The following PDE4D variants were observed in gnomAD, a reference collection of about 807,000 sequenced individuals.
PDE4D encodes the protein phosphodiesterase 4D.
In PDE4D, 24 loss-of-function variants were observed where a neutral mutation model predicts 87.4. That is an observed-to-expected ratio of 0.27 (90% CI 0.20 to 0.39). PDE4D has a LOEUF of 0.39. PDE4D is among the 10% of genes least tolerant of loss of function. The pLI, the probability that PDE4D is intolerant of heterozygous loss-of-function variation, is 1.00. For missense variants in PDE4D, 714 were observed against 1,041.0 expected (o/e 0.69, Z 4.32); for synonymous variants, 384 against 383.2 (o/e 1.00, Z -0.02).
chr5:60,187,760 G>T (rs1784895176), intron 1 of PDE4D, among the ~76,000 whole-genome samples: 1 of 152,142 alleles, frequency 6.6e-6, no homozygotes, highest in African/African-American at 2.4e-5. Context: ...ACCCTGTATA[G>T]CTAGGAGGCA....
intron 2 of PDE4D, among the ~76,000 whole-genome samples, chr5:60,096,688 C>G (rs1382528229): frequency 6.6e-6 from 1 of 152,014 alleles, no homozygotes; most frequent in Admixed American, 6.6e-5. Context: ...TCACTGAATG[C>G]TAATGTATAG....
At chr5:59,977,189 C>T (rs1414623825) in intron 3 of PDE4D, among the ~76,000 whole-genome samples, 1 of 152,186 alleles carries the variant, frequency 6.6e-6, no homozygotes, top group Non-Finnish European at 1.5e-5. Context: ...AAAGCCAGGC[C>T]TTTTGTACCA....
Position 60,077,217 on chromosome 5 carries a change from A to C in PDE4D, c.43-88500T>G, listed in dbSNP as rs7709374. Among the ~76,000 whole-genome samples the C allele has an allele frequency of 8.6e-3, 1,305 of 152,304 alleles. 14 individuals are homozygous for C. The highest frequency in any genetic ancestry group is 0.029 in the African/African-American group (1,207 of 41,566). ...AATGGTGGTTTAGTGGGGTGTTGGCAACAAGGTGCACTCATGCAGGCAGCA... is the reference window on the plus strand; with the variant it reads ...AATGGTGGTTTAGTGGGGTGTTGGCCACAAGGTGCACTCATGCAGGCAGCA... On this transcript the variant is annotated intron_variant, in intron 2 of 16. Coordinates refer to the PDE4D transcript ENST00000502484.
intron 1 of PDE4D, among the ~76,000 whole-genome samples, chr5:59,326,170 T>G (rs1775617063): frequency 6.6e-6 from 1 of 152,040 alleles, no homozygotes; most frequent in African/African-American, 2.4e-5. Context: ...TAATGCTAGA[T>G]GACGAGTTAA....
chr5:59,726,990 C>A (rs1006002288), intron 1 of PDE4D, among the ~76,000 whole-genome samples: 6 of 151,962 alleles, frequency 3.9e-5, no homozygotes, highest in Admixed American at 1.3e-4. Context: ...GAGATACATT[C>A]TTATCTTAAT....
At chr5:59,283,370 T>C (rs1336585138) in intron 1 of PDE4D, among the ~76,000 whole-genome samples, 1 of 152,174 alleles carries the variant, frequency 6.6e-6, no homozygotes, top group African/African-American at 2.4e-5. Flanking sequence ...TGACTTCTAT[T>C]TTACACATCT....
At chr5:59,933,757 T>C (rs568256864) in intron 3 of PDE4D, among the ~76,000 whole-genome samples, 9 of 123,520 alleles carry the variant, frequency 7.3e-5, no homozygotes, top group Admixed American at 6.6e-4. Context: ...GTTTTCTAGA[T>C]AGATGTAAAA....
At chr5:60,330,819 A>G (rs1375384434) in intron 1 of PDE4D, among the ~76,000 whole-genome samples, 1 of 152,156 alleles carries the variant, frequency 6.6e-6, no homozygotes, top group African/African-American at 2.4e-5. Flanking sequence ...ATTTGCAGCA[A>G]TTTACTAAAC....
At chr5:59,040,361 A>C (rs1759469476) in intron 5 of PDE4D, among the ~76,000 whole-genome samples, 1 of 152,232 alleles carries the variant, frequency 6.6e-6, no homozygotes, top group Non-Finnish European at 1.5e-5. Flanking sequence ...GTTCTCTTAA[A>C]GGAACAGCAA....
intron 1 of PDE4D, among the ~76,000 whole-genome samples, chr5:59,363,402 A>G (rs1273507426): frequency 1.3e-5 from 2 of 152,228 alleles, no homozygotes; most frequent in Non-Finnish European, 2.9e-5. Context: ...GCCAATGAGT[A>G]GCAGATCTGA....
chr5:59,427,290 TATAC>T (rs1464099304), intron 1 of PDE4D, among the ~76,000 whole-genome samples: 4 of 87,066 alleles, frequency 4.6e-5, no homozygotes, highest in African/African-American at 2.0e-4. Context: ...GAAGTGATTT[TATAC>T]ACACACACAC....
intron 1 of PDE4D, among the ~76,000 whole-genome samples, chr5:59,460,805 G>T (rs992114445): frequency 1.3e-5 from 2 of 152,084 alleles, no homozygotes; most frequent in African/African-American, 2.4e-5. Flanking sequence ...TACCCCAACT[G>T]GGCAGATTCC....
chr5:60,333,422 C>G (rs1249956658), intron 1 of PDE4D, among the ~76,000 whole-genome samples: 2 of 152,110 alleles, frequency 1.3e-5, no homozygotes, highest in East Asian at 3.9e-4. Flanking sequence ...TGCCTCAGTT[C>G]AAAACTGACA....
At chr5:60,416,591 A>C (rs1396530565) in intron 1 of PDE4D, among the ~76,000 whole-genome samples, 1 of 152,212 alleles carries the variant, frequency 6.6e-6, no homozygotes. Context: ...CACCAGAAGG[A>C]GGAAACTCCG....
chr5:59,220,377 C>CAAAAA lies in PDE4D; in HGVS notation c.456-4414_456-4410dup, dbSNP rs57610513. On this transcript the variant is annotated intron_variant, in intron 1 of 14. Transcript: ENST00000340635. ...TAGGCGACAGAGCATGACTCTGTCT[C>CAAAAA]AAAAAAAAAAAAAAAAAAAAAAAAA... is the stretch of plus-strand genomic sequence containing the variant. Among the ~76,000 whole-genome samples the CAAAAA allele has an allele frequency of 7.6e-3, 275 of 35,988 alleles. 24 individuals carry two copies. In the East Asian group the frequency reaches 0.14, roughly 18 times the overall value. 23.6% of individuals were successfully genotyped at this position (35,988 alleles called of 152,430 possible).
intron 2 of PDE4D, among the ~76,000 whole-genome samples, chr5:60,100,284 A>G (rs1435015758): frequency 6.6e-6 from 1 of 152,028 alleles, no homozygotes; most frequent in African/African-American, 2.4e-5. Flanking sequence ...TAATAAATAT[A>G]ATTTCTCATA....
At chr5:59,479,981 A>AT (rs34768031) in intron 1 of PDE4D, among the ~76,000 whole-genome samples, 3,783 of 150,918 alleles carry the variant, frequency 0.025, 168 homozygotes, top group African/African-American at 0.086. Context: ...TATGCCAAGC[A>AT]TTTTTTTTTG....
intron 2 of PDE4D, among the ~76,000 whole-genome samples, chr5:60,141,863 T>G (rs573734752): frequency 1.2e-3 from 188 of 152,168 alleles, no homozygotes; most frequent in Non-Finnish European, 2.2e-3. Flanking sequence ...CAAAATAAAT[T>G]TACTTAACCT....
At chr5:60,174,614 G>T (rs1252929869) in intron 2 of PDE4D, among the ~76,000 whole-genome samples, 1 of 151,994 alleles carries the variant, frequency 6.6e-6, no homozygotes, top group Non-Finnish European at 1.5e-5. Flanking sequence ...AGACAGAATA[G>T]GAACCTAAAA....
Sources: allele counts gnomAD v4.1 joint callset (sites outside exome capture counted in the v4.1 genomes callset), GRCh38; gene constraint gnomAD v4.1.1; transcripts MANE v1.5; gene names NCBI Gene and HGNC (gene_info 2026-07-23, HGNC 2026-07-21).